Variants in SLC29A3 observed in about 807,000 individuals in gnomAD.
The protein encoded by SLC29A3 is solute carrier family 29 member 3, also known as equilibrative nucleoside transporter 3.
SLC29A3 carries 18 observed loss-of-function variants against 25.4 expected under a neutral mutation model. That is an observed-to-expected ratio of 0.71 (90% CI 0.49 to 1.05). SLC29A3 has a LOEUF of 1.05. SLC29A3 is among the 50% of genes least tolerant of loss of function. The pLI, the probability that SLC29A3 is intolerant of heterozygous loss-of-function variation, is 0.00. For missense variants in SLC29A3, 586 were observed against 609.0 expected (o/e 0.96, Z 0.40); for synonymous variants, 258 against 267.1 (o/e 0.97, Z 0.33).
chr10:71,371,310 C>T lies in SLC29A3; in HGVS notation c.*95-4385C>T, dbSNP rs551781128. The stretch of plus-strand genomic sequence containing the variant: ...ATCACTACTGCACTAGCCCGCCCCA[C>T]TCCTTGGAGTTTAACCAGGGCAGAA... On this transcript the variant is annotated intron_variant and NMD_transcript_variant, in intron 3 of 4. Transcript: ENST00000642772. Among the ~76,000 whole-genome samples, 3 of 152,320 alleles carry T rather than the reference C, an allele frequency of 2.0e-5. No homozygotes were observed. In the East Asian group the frequency reaches 5.8e-4, roughly 29 times the overall value.
At chr10:71,338,505 C>A (rs1846311791) in intron 2 of SLC29A3, among the ~76,000 whole-genome samples, 1 of 152,184 alleles carries the variant, frequency 6.6e-6, no homozygotes, top group African/African-American at 2.4e-5. Context: ...CACCTGTAAT[C>A]CCAACACTTT....
rs567927513 is a variant in SLC29A3, at chr10:71,346,312, C to T, written c.383+2021C>T. Reference sequence around the variant, plus strand: ...GATGCATTATCTCTTTTAACCCTCACGGCAGCCTAAGAGCTGGAAACTGCT... The same window carrying T: ...GATGCATTATCTCTTTTAACCCTCATGGCAGCCTAAGAGCTGGAAACTGCT... On this transcript the variant is annotated intron_variant, in intron 3 of 5. Coordinates refer to ENST00000373189, the MANE Select transcript of SLC29A3 (RefSeq NM_018344.6). 4.6e-5 allele frequency among the ~76,000 whole-genome samples: 7 copies of T among 152,282 alleles called. No individual in the cohort carries two copies. The South Asian group carries it at 8.3e-4, about 18-fold the overall frequency.
intron 2 of SLC29A3, among the ~76,000 whole-genome samples, chr10:71,341,965 T>G (rs1254560032): frequency 1.3e-5 from 2 of 152,154 alleles, no homozygotes; most frequent in Non-Finnish European, 2.9e-5. Context: ...ACATGGCCAC[T>G]TGCCTCCCCA....
At chr10:71,349,827 G>A (rs1485763127) in intron 3 of SLC29A3, among the ~76,000 whole-genome samples, 1 of 152,078 alleles carries the variant, frequency 6.6e-6, no homozygotes, top group African/African-American at 2.4e-5. Flanking sequence ...CCTCCCATTC[G>A]TCGTTACCAT....
chr10:71,345,355 CCT>C (rs140263729), intron 3 of SLC29A3, among the ~76,000 whole-genome samples: 3 of 151,528 alleles, frequency 2.0e-5, no homozygotes, highest in Non-Finnish European at 3.0e-5. Context: ...ATTCATATCC[CCT>C]CTCTCTCTCT....
intron 2 of SLC29A3, among the ~76,000 whole-genome samples, chr10:71,339,751 C>T (rs1589229243): frequency 6.6e-6 from 1 of 152,232 alleles, no homozygotes; most frequent in African/African-American, 2.4e-5. Flanking sequence ...ATGTTTCTCT[C>T]CCCACTGGCA....
rs1318437306 is a variant in SLC29A3, at chr10:71,362,680, C to G, written c.*72C>G. 6.3e-7 allele frequency: 1 copy of G among 1,596,722 alleles called. No individual in the cohort carries two copies. Among genetic ancestry groups the G allele is most frequent in the Non-Finnish European group, 8.6e-7 (1 of 1,168,044 alleles). On this transcript the variant is annotated 3_prime_UTR_variant, in exon 6 of 6. Coordinates refer to ENST00000373189, the MANE Select transcript of SLC29A3 (RefSeq NM_018344.6). ...GAAGAGAGTGCAGGAGGGCTGGGGG[C>G]CATGGAGGAAAGGCCTAAAGTTTCA...
chr10:71,320,624 C>T (rs1409836244), intron 1 of SLC29A3, among the ~76,000 whole-genome samples: 1 of 152,192 alleles, frequency 6.6e-6, no homozygotes, highest in Non-Finnish European at 1.5e-5. Context: ...CATGCGAATC[C>T]AGGCTGGGGA....
intron 2 of SLC29A3, among the ~76,000 whole-genome samples, chr10:71,343,107 G>A (rs1207535811): frequency 6.6e-6 from 1 of 152,116 alleles, no homozygotes; most frequent in Non-Finnish European, 1.5e-5. Context: ...GAGTAGCTGG[G>A]ACTTACAGGT....
intron 3 of SLC29A3, among the ~76,000 whole-genome samples, chr10:71,350,350 T>TGTGTGTG (rs55801622): frequency 6.6e-6 from 1 of 151,198 alleles, no homozygotes; most frequent in Admixed American, 6.6e-5. Flanking sequence ...TGTGTGTGTG[T>TGTGTGTG]ATTTTTCCTA....
At chr10:71,324,604 A>G (rs1203185743) in intron 2 of SLC29A3, among the ~76,000 whole-genome samples, 2 of 152,350 alleles carry the variant, frequency 1.3e-5, no homozygotes, top group East Asian at 3.9e-4. Context: ...GAAGTTTTTC[A>G]AACAAATGCT....
chr10:71,373,992 C>T (rs1847231323), intron 3 of SLC29A3, among the ~76,000 whole-genome samples: 1 of 152,172 alleles, frequency 6.6e-6, no homozygotes, highest in Non-Finnish European at 1.5e-5. Flanking sequence ...AGATTCCAAC[C>T]TGACCTTCCA....
At chr10:71,335,243 C>A (rs945165635) in intron 2 of SLC29A3, among the ~76,000 whole-genome samples, 1 of 152,182 alleles carries the variant, frequency 6.6e-6, no homozygotes, top group African/African-American at 2.4e-5. Flanking sequence ...CAGAGCTCCC[C>A]AGTACCTTCC....
chr10:71,341,570 G>A (rs1307834347), intron 2 of SLC29A3, among the ~76,000 whole-genome samples: 1 of 152,188 alleles, frequency 6.6e-6, no homozygotes, highest in East Asian at 1.9e-4. Flanking sequence ...CAGGAAGGCT[G>A]AAATATTCAG....
At chr10:71,328,782 A>T (rs1274990125) in intron 2 of SLC29A3, among the ~76,000 whole-genome samples, 1 of 152,204 alleles carries the variant, frequency 6.6e-6, no homozygotes, top group African/African-American at 2.4e-5. Flanking sequence ...GTTGGCATAG[A>T]CATGAAGTGG....
Position 71,344,277 on chromosome 10 carries a change from C to T in SLC29A3, c.369C>T (p.Phe123=), listed in dbSNP as rs1846502264. ...CCATGCTGTGCCTGGTGGCCAACTT[C>T]CTGCTTGTCAACAGGTAGGCGACTC... The part of the protein sequence containing the change: ...VPSMLCLVAN[F]LLVNRVAVHI... Residue 123 remains phenylalanine (F), a synonymous_variant, in exon 3 of 6, where the codon TTC becomes TTT. Coordinates refer to ENST00000373189, the MANE Select transcript of SLC29A3 (RefSeq NM_018344.6). The T allele has an allele frequency of 6.2e-7, 1 of 1,613,942 alleles. No individual in the cohort carries two copies. Among genetic ancestry groups the T allele is most frequent in the Non-Finnish European group, 8.5e-7 (1 of 1,179,888 alleles).
intron 2 of SLC29A3, 89 bp from the exon 3 acceptor site, chr10:71,344,120 C>T: frequency 2.8e-6 from 3 of 1,075,238 alleles, no homozygotes; most frequent in Non-Finnish European, 1.4e-6. Flanking sequence ...GGAGAAGCCC[C>T]ACAGAGAGGG....
intron 2 of SLC29A3, among the ~76,000 whole-genome samples, chr10:71,323,684 A>C (rs1286125405): frequency 6.6e-6 from 1 of 152,248 alleles, no homozygotes; most frequent in Non-Finnish European, 1.5e-5. Context: ...TGCCTGCTAA[A>C]ATGGGAGGTT....
At chr10:71,343,806 G>A (rs574861769) in intron 2 of SLC29A3, among the ~76,000 whole-genome samples, 19 of 152,154 alleles carry the variant, frequency 1.2e-4, no homozygotes, top group Non-Finnish European at 1.5e-4. Flanking sequence ...AAACAAAAAC[G>A]TGGATAGTCT....
Sources: gnomAD v4.1 joint callset for allele counts (sites outside exome capture counted in the v4.1 genomes callset) on GRCh38, gnomAD v4.1.1 for gene constraint, MANE v1.5 for transcripts, NCBI Gene and HGNC (gene_info 2026-07-23, HGNC 2026-07-21) for gene names.